DAB1: variants seen among roughly 807,000 people sequenced by gnomAD.
DAB1 encodes the protein DAB adaptor protein 1.
Under a neutral mutation model 64.6 loss-of-function variants are expected in DAB1, and 15 were observed. The observed-to-expected ratio is 0.23, with a 90% CI of 0.16 to 0.36. The LOEUF (loss-of-function observed/expected upper bound fraction) is 0.36. DAB1 is among the 10% of genes least tolerant of loss of function. DAB1 has a pLI of 1.00. For missense variants in DAB1, 596 were observed against 706.7 expected (o/e 0.84, Z 1.78); for synonymous variants, 235 against 251.9 (o/e 0.93, Z 0.64).
chr1:57,213,705 G>T (rs1207118262), intron 2 of DAB1, among the ~76,000 whole-genome samples: 1 of 152,174 alleles, frequency 6.6e-6, no homozygotes, highest in Admixed American at 6.5e-5. Flanking sequence ...CTACAGGCAG[G>T]TAACCTCTTT....
intron 1 of DAB1, among the ~76,000 whole-genome samples, chr1:57,848,913 T>C (rs1569843341): frequency 1.3e-5 from 2 of 152,300 alleles, no homozygotes; most frequent in South Asian, 2.1e-4. Flanking sequence ...CACTCCAGGA[T>C]GTAATCCTCA....
intron 1 of DAB1, among the ~76,000 whole-genome samples, chr1:57,329,274 T>C (rs1676443969): frequency 6.6e-6 from 1 of 152,142 alleles, no homozygotes; most frequent in Non-Finnish European, 1.5e-5. Context: ...TCCAGCCTCA[T>C]CCTCCTTCCT....
intron 2 of DAB1, among the ~76,000 whole-genome samples, chr1:57,220,410 A>C (rs1223508654): frequency 6.6e-6 from 1 of 152,228 alleles, no homozygotes; most frequent in Non-Finnish European, 1.5e-5. Flanking sequence ...GGTAACAACC[A>C]TAACCATAAT....
intron 4 of DAB1, among the ~76,000 whole-genome samples, chr1:58,207,818 T>C (rs897858440): frequency 6.6e-6 from 1 of 152,226 alleles, no homozygotes; most frequent in Non-Finnish European, 1.5e-5. Context: ...TTAGAGTCTG[T>C]AACTTTCCCA....
chr1:58,436,326 T>C (rs1270118436), intron 3 of DAB1, among the ~76,000 whole-genome samples: 1 of 152,236 alleles, frequency 6.6e-6, no homozygotes, highest in Non-Finnish European at 1.5e-5. Flanking sequence ...ATTGGAGCTT[T>C]GGAGGAGAGT....
intron 6 of DAB1, among the ~76,000 whole-genome samples, chr1:57,758,340 TA>T (rs1001437919): frequency 1.1e-4 from 17 of 152,302 alleles, no homozygotes; most frequent in African/African-American, 4.1e-4. Flanking sequence ...TATTAAGATT[TA>T]AAACTCAGTT....
At chr1:58,056,275 A>G (rs1648081618) in intron 5 of DAB1, 1 of 1,332,400 alleles carries the variant, frequency 7.5e-7, no homozygotes. Context: ...ATGTAGCTTC[A>G]CATACAGCTT....
At chr1:58,064,111 A>T (rs1333805387) in intron 5 of DAB1, among the ~76,000 whole-genome samples, 1 of 152,188 alleles carries the variant, frequency 6.6e-6, no homozygotes, top group Admixed American at 6.5e-5. Flanking sequence ...GATTTGGAGA[A>T]ACAGTCAGGA....
chr1:57,226,672 AATAT>A (rs61660460), intron 2 of DAB1, among the ~76,000 whole-genome samples: 13 of 135,994 alleles, frequency 9.6e-5, no homozygotes, highest in East Asian at 4.1e-4. Flanking sequence ...TTAAAAAAAA[AATAT>A]ATATATATAT....
intron 9 of DAB1, among the ~76,000 whole-genome samples, chr1:57,044,772 CA>C (rs938002995): frequency 1.3e-5 from 2 of 151,970 alleles, no homozygotes; most frequent in Non-Finnish European, 2.9e-5. Context: ...ACAAAGAAGA[CA>C]AAAAAAGTAC....
chr1:57,594,641 T>C (rs1374120708), intron 7 of DAB1, among the ~76,000 whole-genome samples: 1 of 152,188 alleles, frequency 6.6e-6, no homozygotes, highest in African/African-American at 2.4e-5. Context: ...AATGATTTCT[T>C]TTGTTCTAAA....
At chr1:57,684,390 A>G (rs1646670643) in intron 6 of DAB1, among the ~76,000 whole-genome samples, 1 of 152,186 alleles carries the variant, frequency 6.6e-6, no homozygotes. Flanking sequence ...GGGTCAGGTC[A>G]TATACAAAGG....
At chr1:58,491,856 T>A (rs965984064) in intron 3 of DAB1, among the ~76,000 whole-genome samples, 1 of 152,110 alleles carries the variant, frequency 6.6e-6, no homozygotes, top group South Asian at 2.1e-4. Flanking sequence ...GACAGATCAA[T>A]GAGACAAAAA....
chr1:57,612,230 CGTGT>C (rs1379248234), intron 7 of DAB1, among the ~76,000 whole-genome samples: 3 of 146,286 alleles, frequency 2.1e-5, no homozygotes, highest in South Asian at 2.2e-4. Flanking sequence ...CATGTGTGTG[CGTGT>C]GTGTGTGTAA....
At chr1:58,477,600 A>C (rs1645431805) in intron 3 of DAB1, among the ~76,000 whole-genome samples, 1 of 152,142 alleles carries the variant, frequency 6.6e-6, no homozygotes, top group Non-Finnish European at 1.5e-5. Flanking sequence ...AGAGTGTTAA[A>C]GGCTTTGTTT....
At chr1:57,402,197 T>C (rs1683298164) in intron 1 of DAB1, among the ~76,000 whole-genome samples, 1 of 152,206 alleles carries the variant, frequency 6.6e-6, no homozygotes. Context: ...AATTTGCTGA[T>C]ATGCTTTATG....
chr1:58,076,355 G>T (rs1360737724), intron 5 of DAB1, among the ~76,000 whole-genome samples: 1 of 152,152 alleles, frequency 6.6e-6, no homozygotes, highest in East Asian at 1.9e-4. Context: ...TCTCACACAA[G>T]AGTTTTTGCA....
At chr1:58,195,047 G>T (rs1657596592) in intron 4 of DAB1, among the ~76,000 whole-genome samples, 1 of 152,238 alleles carries the variant, frequency 6.6e-6, no homozygotes, top group African/African-American at 2.4e-5. Flanking sequence ...CTTGAATCTT[G>T]TTTCAAGGAT....
chr1:57,539,897 C>T (rs897843615), intron 7 of DAB1, among the ~76,000 whole-genome samples: 1 of 152,104 alleles, frequency 6.6e-6, no homozygotes, highest in African/African-American at 2.4e-5. Flanking sequence ...CTGACATAAA[C>T]CCAAACAGAT....
Sources: allele counts gnomAD v4.1 joint callset (sites outside exome capture counted in the v4.1 genomes callset), GRCh38; gene constraint gnomAD v4.1.1; transcripts MANE v1.5; gene names NCBI Gene and HGNC (gene_info 2026-07-23, HGNC 2026-07-21).